Variants in DCC observed in about 807,000 individuals in gnomAD.
The protein encoded by DCC is netrin receptor DCC.
DCC carries 58 observed loss-of-function variants against 172.5 expected under a neutral mutation model. That is an observed-to-expected ratio of 0.34 (90% CI 0.27 to 0.42). The LOEUF (loss-of-function observed/expected upper bound fraction) is 0.42. Ranked by LOEUF, DCC falls within the 10% of genes least tolerant of loss-of-function variation. The pLI is 1.00. For synonymous variants in DCC, 709 were observed against 644.5 expected (o/e 1.10, Z -1.52); for missense variants, 1,740 against 1,791.0 (o/e 0.97, Z 0.51).
At position 53,069,117 on chromosome 18, in the gene DCC, C is replaced by G. The variant is rs184723756; in HGVS notation, c.1261+2951C>G. Among the ~76,000 whole-genome samples, 359 of 152,058 alleles carry G rather than the reference C, an allele frequency of 2.4e-3. 5 individuals carry two copies. Among genetic ancestry groups the G allele is most frequent in the Non-Finnish European group, 7.1e-4 (48 of 68,008 alleles). ...TGAGATGATGGAAGTACAGTAACAC[C>G]AAAGTTTTCTGACCTAATGGCAGGA... On this transcript the variant is annotated intron_variant, in intron 7 of 28. Transcript: ENST00000442544.
intron 2 of DCC, among the ~76,000 whole-genome samples, chr18:52,795,875 T>C (rs1176060740): frequency 1.3e-5 from 2 of 152,014 alleles, no homozygotes; most frequent in East Asian, 3.8e-4. Context: ...TTATTTAATT[T>C]CCATGTAGTT....
chr18:52,869,085 T>G (rs2145378248), intron 2 of DCC, among the ~76,000 whole-genome samples: 1 of 152,364 alleles, frequency 6.6e-6, no homozygotes, highest in Admixed American at 6.5e-5. Flanking sequence ...GTCACAGCTC[T>G]TCTCTACTTC....
intron 2 of DCC, among the ~76,000 whole-genome samples, chr18:52,833,760 G>A (rs1335435563): frequency 2.0e-5 from 3 of 152,094 alleles, no homozygotes; most frequent in Non-Finnish European, 4.4e-5. Flanking sequence ...TCCCAGGCTT[G>A]AGCAGTCCTC....
chr18:53,404,700 C>T (rs1266457275), intron 19 of DCC, among the ~76,000 whole-genome samples: 1 of 151,296 alleles, frequency 6.6e-6, no homozygotes, highest in African/African-American at 2.4e-5. Context: ...TACTGCACTC[C>T]AGCCTGGGCG....
intron 15 of DCC, among the ~76,000 whole-genome samples, chr18:53,361,754 G>T (rs1338835035): frequency 6.6e-6 from 1 of 152,116 alleles, no homozygotes; most frequent in Non-Finnish European, 1.5e-5. Flanking sequence ...AAATAAATGT[G>T]AATGGAATAC....
intron 5 of DCC, among the ~76,000 whole-genome samples, chr18:53,052,113 C>G (rs2042341946): frequency 6.6e-6 from 1 of 151,962 alleles, no homozygotes; most frequent in Middle Eastern, 3.2e-3. Context: ...TTGGTGGCAT[C>G]TATTATGAGA....
chr18:53,339,689 A>G (rs2057633136), intron 14 of DCC, 24 bp from the exon 15 acceptor site: 2 of 1,597,436 alleles, frequency 1.3e-6, no homozygotes, highest in African/African-American at 1.3e-5. Flanking sequence ...AGACATGCTG[A>G]TGATGCCTCT....
chr18:53,252,631 T>C (rs2144661101), intron 12 of DCC, among the ~76,000 whole-genome samples: 1 of 152,026 alleles, frequency 6.6e-6, no homozygotes, highest in Admixed American at 6.6e-5. Flanking sequence ...ACCAAGCATC[T>C]TTCTTGTTAC....
chr18:52,552,608 T>C (rs1312676391), intron 1 of DCC, among the ~76,000 whole-genome samples: 2 of 152,050 alleles, frequency 1.3e-5, no homozygotes, highest in Non-Finnish European at 2.9e-5. Context: ...CAAGATTCAG[T>C]GCAACTATTT....
intron 9 of DCC, among the ~76,000 whole-genome samples, chr18:53,190,657 A>T (rs914878138): frequency 2.6e-5 from 4 of 152,142 alleles, no homozygotes; most frequent in African/African-American, 9.7e-5. Context: ...TAATATTTTT[A>T]AAATCTCAGC....
chr18:53,015,261 T>C (rs2041792307), intron 5 of DCC, among the ~76,000 whole-genome samples: 1 of 152,210 alleles, frequency 6.6e-6, no homozygotes, highest in Non-Finnish European at 1.5e-5. Flanking sequence ...AACTGAAACC[T>C]TTCTGATCTG....
chr18:53,363,560 G>A (rs535967082), intron 15 of DCC, among the ~76,000 whole-genome samples: 1 of 152,136 alleles, frequency 6.6e-6, no homozygotes, highest in South Asian at 2.1e-4. Context: ...CTCTCCCGTG[G>A]CCCTCTCTCT....
intron 3 of DCC, among the ~76,000 whole-genome samples, chr18:52,912,166 T>C (rs1333411562): frequency 6.6e-6 from 1 of 152,138 alleles, no homozygotes; most frequent in Non-Finnish European, 1.5e-5. Context: ...CTGGTAATTG[T>C]ACAATTTAGG....
At chr18:52,584,029 AT>A (rs1226040040) in intron 1 of DCC, among the ~76,000 whole-genome samples, 3 of 152,184 alleles carry the variant, frequency 2.0e-5, no homozygotes, top group Admixed American at 2.0e-4. Flanking sequence ...TTGAAACAGC[AT>A]TTTTTTCATA....
chr18:52,751,509 G>A (rs1044214650), intron 1 of DCC, among the ~76,000 whole-genome samples: 1 of 152,168 alleles, frequency 6.6e-6, no homozygotes, highest in Non-Finnish European at 1.5e-5. Context: ...ACTTGCTTCT[G>A]CCAGTGGGAT....
At chr18:53,429,155 C>T (rs1428241414) in intron 21 of DCC, among the ~76,000 whole-genome samples, 6 of 124,422 alleles carry the variant, frequency 4.8e-5, no homozygotes, top group African/African-American at 6.1e-5. Flanking sequence ...GTTGGTCTGG[C>T]GAAGTATACT....
At chr18:53,316,905 G>A (rs2057350162) in intron 13 of DCC, among the ~76,000 whole-genome samples, 1 of 152,188 alleles carries the variant, frequency 6.6e-6, no homozygotes, top group African/African-American at 2.4e-5. Flanking sequence ...GAGACCATTT[G>A]ACTTCCTTTC....
intron 23 of DCC, among the ~76,000 whole-genome samples, chr18:53,451,544 G>A (rs1399492478): frequency 1.3e-5 from 2 of 152,094 alleles, no homozygotes; most frequent in East Asian, 3.9e-4. Flanking sequence ...TGAGTTTTTG[G>A]TTCTGGTTTT....
At chr18:52,383,756 T>C (rs1427752882) in intron 1 of DCC, among the ~76,000 whole-genome samples, 1 of 152,054 alleles carries the variant, frequency 6.6e-6, no homozygotes, top group East Asian at 1.9e-4. Flanking sequence ...CTCTCTTCAA[T>C]TTGGAGTTTC....
Sources: gnomAD v4.1 joint callset for allele counts (sites outside exome capture counted in the v4.1 genomes callset) on GRCh38, gnomAD v4.1.1 for gene constraint, MANE v1.5 for transcripts, NCBI Gene and HGNC (gene_info 2026-07-23, HGNC 2026-07-21) for gene names.